MAP3K9: variants seen among roughly 807,000 people sequenced by gnomAD.
MAP3K9 encodes mitogen-activated protein kinase kinase kinase 9, also known as mixed lineage kinase 1 (tyr and ser/thr specificity).
In MAP3K9, 46 loss-of-function variants were observed where a neutral mutation model predicts 95.8. The ratio of observed to expected loss-of-function variants is 0.48; its 90% confidence interval spans 0.38 to 0.61. The LOEUF (loss-of-function observed/expected upper bound fraction) is 0.61, where lower values mean the gene tolerates loss of function less well. Among genes scored for constraint, MAP3K9 ranks in the 20% least tolerant of loss-of-function variants. The pLI, the probability that MAP3K9 is intolerant of heterozygous loss-of-function variation, is 0.00. For missense variants in MAP3K9, 1,296 were observed against 1,474.3 expected, an observed-to-expected ratio of 0.88 and a Z score of 1.98; for synonymous variants, 533 against 593.8, an observed-to-expected ratio of 0.90 and a Z score of 1.49.
chr14:70,733,179 G>A lies in MAP3K9; in HGVS notation c.2190C>T (p.Thr730=), dbSNP rs1212809956. The A allele has an allele frequency of 6.2e-7, 1 of 1,610,656 alleles. No individual in the cohort carries two copies. Among genetic ancestry groups the A allele is most frequent in the Non-Finnish European group, 8.5e-7 (1 of 1,177,584 alleles). ...GGCTGTTGGTTGGCGTCAGCTGAGG[G>A]GTACTCGTGGCCGAGTTGACTGGGG... ...EPTPVNSATS[T]PQLTPTNSLK... Residue 730 remains threonine, a synonymous_variant, in exon 11 of 12, where the codon ACC becomes ACT. Coordinates refer to ENST00000554752, the MANE Select transcript of MAP3K9 (RefSeq NM_001284230.2).
At chr14:70,744,754 G>T (rs1204982148) in intron 5 of MAP3K9, among the ~76,000 whole-genome samples, 2 of 152,162 alleles carry the variant, frequency 1.3e-5, no homozygotes, top group African/African-American at 2.4e-5. Context: ...AGAGCAGACC[G>T]TGCCCCTGCA....
chr14:70,787,156 C>T (rs2054755199), intron 2 of MAP3K9, among the ~76,000 whole-genome samples: 1 of 151,850 alleles, frequency 6.6e-6, no homozygotes, highest in Non-Finnish European at 1.5e-5. Flanking sequence ...TGTTATATTG[C>T]CTCATAAGCC....
chr14:70,786,681 G>A (rs963776369), intron 2 of MAP3K9, among the ~76,000 whole-genome samples: 13 of 152,070 alleles, frequency 8.5e-5, no homozygotes, highest in South Asian at 2.1e-4. Context: ...TTCCATTGTC[G>A]GGCTAAAAGA....
Position 70,800,782 on chromosome 14 carries a change from T to C in MAP3K9, c.705A>G (p.Lys235=), listed in dbSNP as rs377422405. ...GGPLNRVLSG[K]RIPPDILVNW... is the part of the protein sequence containing the mutation. ...TCACCAGGATGTCTGGGGGAATCCT[T>C]TTCCCAGATAACACTCTATTCAAAG... is the stretch of plus-strand genomic sequence containing the variant. The change falls in exon 2 of 12, where the codon AAA becomes AAG. Residue 235 remains lysine, a synonymous_variant. Coordinates refer to ENST00000554752, the MANE Select transcript of MAP3K9 (RefSeq NM_001284230.2). 12 of 1,613,996 alleles carry C rather than the reference T, an allele frequency of 7.4e-6. No homozygotes were observed. Among genetic ancestry groups the C allele is most frequent in the Non-Finnish European group, 9.3e-6 (11 of 1,180,020 alleles).
chr14:70,805,261 A>G (rs1013877486), intron 1 of MAP3K9, among the ~76,000 whole-genome samples: 5 of 152,166 alleles, frequency 3.3e-5, no homozygotes. Context: ...TCTTAGGTAC[A>G]TCTGAAAATA....
At chr14:70,790,899 A>C (rs1266231962) in intron 2 of MAP3K9, among the ~76,000 whole-genome samples, 4 of 152,220 alleles carry the variant, frequency 2.6e-5, no homozygotes, top group African/African-American at 9.6e-5. Flanking sequence ...AAGGTGAAGA[A>C]CCAGGTTAAG....
intron 2 of MAP3K9, among the ~76,000 whole-genome samples, chr14:70,766,789 G>A (rs2054461391): frequency 6.6e-6 from 1 of 152,160 alleles, no homozygotes; most frequent in Non-Finnish European, 1.5e-5. Context: ...ACAGAGGCCA[G>A]AAAGAAATCC....
Position 70,730,325 on chromosome 14 carries a change from C to CA in MAP3K9, c.*54dup, listed in dbSNP as rs2064092526. 1 of 1,559,760 alleles carries CA rather than the reference C, an allele frequency of 6.4e-7. No homozygotes were observed. The highest frequency in any genetic ancestry group is 8.7e-7 in the Non-Finnish European group (1 of 1,149,092). Reference sequence around the variant, plus strand: ...AACCCTGAGAAAGGGCTGTGCCCGCCAGCTCCCCTCATCTCCGCTGGCTGT... The same window carrying CA: ...AACCCTGAGAAAGGGCTGTGCCCGCCAAGCTCCCCTCATCTCCGCTGGCTGT... On this transcript the variant is annotated 3_prime_UTR_variant, in exon 12 of 12. Transcript: ENST00000554752.
intron 2 of MAP3K9, among the ~76,000 whole-genome samples, chr14:70,800,357 A>G (rs1693202444): frequency 6.6e-6 from 1 of 152,096 alleles, no homozygotes; most frequent in South Asian, 2.1e-4. Context: ...ACTTCCCACA[A>G]GTTTTGTGCA....
chr14:70,790,752 G>T (rs930205904), intron 2 of MAP3K9, among the ~76,000 whole-genome samples: 2 of 152,192 alleles, frequency 1.3e-5, no homozygotes, highest in African/African-American at 4.8e-5. Context: ...CAGGGGTATT[G>T]AAGGGGACTC....
chr14:70,735,890 C>T, intron 9 of MAP3K9, 71 bp downstream of exon 9: 1 of 1,165,106 alleles, frequency 8.6e-7, no homozygotes, highest in Non-Finnish European at 1.3e-6. Context: ...ATGGGGTATG[C>T]TGTAAGAACA....
At chr14:70,800,258 G>T (rs772472237) in intron 2 of MAP3K9, among the ~76,000 whole-genome samples, 3 of 152,092 alleles carry the variant, frequency 2.0e-5, no homozygotes, top group Non-Finnish European at 4.4e-5. Context: ...TCAAGTTGAG[G>T]TGTTTAGGTA....
Position 70,742,428 on chromosome 14 carries a change from C to T in MAP3K9, c.1490G>A (p.Arg497Gln), listed in dbSNP as rs56196343. 1.9e-5 allele frequency: 30 copies of T among 1,614,084 alleles called. No individual in the cohort carries two copies. The highest frequency in any genetic ancestry group is 4.0e-5 in the African/African-American group (3 of 74,912). ...GAACTTGCCCTTGCGTTTCTTCACC[C>T]GGGGCTTCTCCTGGCACAGCTGGTG... ...IIHQLCQEKP[R>Q]VKKRKGKFRK... is the part of the protein sequence containing the mutation. The change falls in exon 6 of 12, where the codon CGG becomes CAG. Residue 497 changes from arginine to glutamine, a missense_variant. By Grantham distance (43) the Arg-to-Gln change is conservative (BLOSUM62 1). This residue lies in a region of MAP3K9 where 377 missense variants were observed against 417.1 expected (regional missense o/e 0.90). Coordinates refer to ENST00000554752, the MANE Select transcript of MAP3K9 (RefSeq NM_001284230.2).
At chr14:70,801,721 G>A (rs1018420826) in intron 1 of MAP3K9, among the ~76,000 whole-genome samples, 2 of 152,196 alleles carry the variant, frequency 1.3e-5, no homozygotes, top group African/African-American at 4.8e-5. Flanking sequence ...GCAGCACAGA[G>A]CACTAAGGGG....
chr14:70,750,169 A>G, intron 3 of MAP3K9, 88 bp from the exon 4 acceptor site: 3 of 1,147,788 alleles, frequency 2.6e-6, no homozygotes, highest in South Asian at 1.4e-5. Flanking sequence ...AGCATCCCAC[A>G]TTCTCCCCAA....
Position 70,730,509 on chromosome 14 carries a change from CG to C in MAP3K9, c.3185del (p.Pro1062ArgfsTer27). On this transcript the variant is annotated frameshift_variant, in exon 12 of 12. Coordinates refer to ENST00000554752, the MANE Select transcript of MAP3K9 (RefSeq NM_001284230.2). LOFTEE classifies it high-confidence loss of function. Reference protein sequence around the residue: ...LLPFQAGPLPPTERTLLDLDA... With the variant: ...LLPFQAGPLPXTERTLLDLDA... ...CCAGGTCCAGGAGCGTCCGCTCAGT[CG>C]GGGGCAGCGGCCCTGCCTGGAACGG... is the stretch of plus-strand genomic sequence containing the variant. The C allele has an allele frequency of 6.2e-7, 1 of 1,613,964 alleles. No individual in the cohort carries two copies. The highest frequency in any genetic ancestry group is 1.1e-5 in the South Asian group (1 of 91,068).
chr14:70,765,335 A>G (rs554616875), intron 2 of MAP3K9: 35 of 430,520 alleles, frequency 8.1e-5, no homozygotes, highest in Non-Finnish European at 8.2e-6. Context: ...GTCTAAAAAA[A>G]AGTTTTCTTT....
chr14:70,741,785 A>G (rs1474943267), intron 6 of MAP3K9, among the ~76,000 whole-genome samples: 1 of 152,116 alleles, frequency 6.6e-6, no homozygotes, highest in African/African-American at 2.4e-5. Context: ...TGTCTCTACT[A>G]AAAATACAAA....
At position 70,809,244 on chromosome 14, in the gene MAP3K9, T is replaced by C; in HGVS notation, c.-73A>G. The C allele has an allele frequency of 7.9e-7, 1 of 1,266,442 alleles. No homozygotes were observed. Among genetic ancestry groups the C allele is most frequent in the Non-Finnish European group, 9.9e-7 (1 of 1,010,812 alleles). 78.5% of individuals were successfully genotyped at this position (1,266,442 alleles called of 1,614,324 possible). On this transcript the variant is annotated 5_prime_UTR_variant, in exon 1 of 12. Transcript: ENST00000554752. ...CGCCGCCGCCTATTGTTCATGCGCC[T>C]CCGCAGAGCTGGGAGGACCCCCCCC...
Sources: gnomAD v4.1 joint callset for allele counts (sites outside exome capture counted in the v4.1 genomes callset) on GRCh38, gnomAD v4.1.1 for gene constraint, gnomAD v4.1.1 regional missense constraint, MANE v1.5 for transcripts, NCBI Gene and HGNC (gene_info 2026-07-23, HGNC 2026-07-21) for gene names.